MYO10: variants seen among roughly 807,000 people sequenced by gnomAD.
The protein encoded by MYO10 is myosin X, also known as unconventional myosin-X.
MYO10 carries 133 observed loss-of-function variants against 257.3 expected under a neutral mutation model. The ratio of observed to expected loss-of-function variants is 0.52; its 90% CI spans 0.45 to 0.60. The LOEUF is 0.60. MYO10 is among the 20% of genes least tolerant of loss of function. MYO10 has a pLI of 0.00. For missense variants in MYO10, 2,399 were observed against 2,635.7 expected (o/e 0.91, Z 1.97); for synonymous variants, 1,104 against 1,028.6 (o/e 1.07, Z -1.40).
chr5:16,809,728 G>A (rs1742377650), intron 3 of MYO10, among the ~76,000 whole-genome samples: 2 of 152,208 alleles, frequency 1.3e-5, no homozygotes, highest in South Asian at 4.1e-4. Flanking sequence ...CGTGCTTACT[G>A]AAGCATTTAT....
chr5:16,861,527 G>A (rs936840966), intron 2 of MYO10, among the ~76,000 whole-genome samples: 22 of 152,064 alleles, frequency 1.4e-4, no homozygotes, highest in African/African-American at 4.8e-4. Context: ...AGCTGAGATC[G>A]CGCCATGGCA....
intron 1 of MYO10, among the ~76,000 whole-genome samples, chr5:16,930,342 G>A (rs570962757): frequency 2.6e-5 from 4 of 152,296 alleles, no homozygotes; most frequent in East Asian, 1.9e-4. Context: ...GTAGGATCAC[G>A]TGCGAGAAAA....
chr5:16,710,931 C>A lies in MYO10; in HGVS notation c.2146G>T (p.Glu716Ter), dbSNP rs766396245. The part of the protein sequence containing the change: ...LLQLYDASNS[E>*]WQLGKTKVFL... Reference sequence around the variant, plus strand: ...ACCTTGGTCTTCCCCAGCTGCCACTCGCTGTTGGAGGCATCATAGAGCTGC... The same window carrying A: ...ACCTTGGTCTTCCCCAGCTGCCACTAGCTGTTGGAGGCATCATAGAGCTGC... The change falls in exon 21 of 41, where the codon GAG becomes TAG. Residue 716 changes from glutamate to a stop codon, truncating the protein, a stop_gained. Transcript: ENST00000513610. LOFTEE classifies it high-confidence loss of function. 4 of 1,613,750 alleles carry A rather than the reference C, an allele frequency of 2.5e-6. No individual in the cohort carries two copies. The highest frequency in any genetic ancestry group is 3.4e-6 in the Non-Finnish European group (4 of 1,179,850).
chr5:16,917,600 T>G (rs1183482886), intron 1 of MYO10, among the ~76,000 whole-genome samples: 1 of 151,258 alleles, frequency 6.6e-6, no homozygotes, highest in Non-Finnish European at 1.5e-5. Context: ...ATGCCTGTAT[T>G]CCCAGCACTT....
chr5:16,848,992 G>A (rs1240987400), intron 2 of MYO10, among the ~76,000 whole-genome samples: 2 of 152,150 alleles, frequency 1.3e-5, no homozygotes. Context: ...GTTTCCCTCT[G>A]TTGCCCAGGC....
chr5:16,799,147 TG>T (rs1455981369), intron 3 of MYO10, among the ~76,000 whole-genome samples: 1 of 151,132 alleles, frequency 6.6e-6, no homozygotes, highest in African/African-American at 2.4e-5. Context: ...AGAATGATCA[TG>T]TTTTTTAAAC....
intron 22 of MYO10, among the ~76,000 whole-genome samples, chr5:16,703,574 G>A (rs1483301042): frequency 3.9e-5 from 6 of 152,208 alleles, no homozygotes; most frequent in African/African-American, 4.8e-5. Flanking sequence ...CAACTAAAAC[G>A]CACATGAGGA....
At chr5:16,713,882 C>G (rs1289791957) in intron 19 of MYO10, among the ~76,000 whole-genome samples, 1 of 152,176 alleles carries the variant, frequency 6.6e-6, no homozygotes, top group Non-Finnish European at 1.5e-5. Context: ...TTTCCAGAAC[C>G]TGAGCTCACT....
At position 16,671,041 on chromosome 5, in the gene MYO10, C is replaced by T. The variant is rs943907801; in HGVS notation, c.5431-63G>A. 2.1e-5 allele frequency: 30 copies of T among 1,403,666 alleles called. No homozygotes were observed. In the African/African-American group the frequency reaches 2.4e-4, roughly 11 times the overall value. The allele number at this position is 1,403,666 out of a possible 1,614,324, so 87.0% of individuals were successfully genotyped here. The stretch of plus-strand genomic sequence containing the variant: ...CTGCCATGCCATGGGATGCCCACGT[C>T]GCTTGCTCCCTCACTTCATGAGGGT... On this transcript the variant is annotated intron_variant, in intron 38 of 40. Coordinates refer to ENST00000513610, the MANE Select transcript of MYO10 (RefSeq NM_012334.3).
chr5:16,666,670 A>G lies in MYO10; in HGVS notation c.*22T>C, dbSNP rs1277219014. The G allele has an allele frequency of 4.5e-6, 7 of 1,570,098 alleles. No individual in the cohort carries two copies. The highest frequency in any genetic ancestry group is 6.0e-6 in the Non-Finnish European group (7 of 1,158,740). On this transcript the variant is annotated 3_prime_UTR_variant, in exon 41 of 41. Transcript: ENST00000513610. ...AGGGTGGTGCGTTCAGGTAGCAAAGACAGGTGGGCTCTGTCCCGCCTTCAC... is the reference window on the plus strand; with the variant it reads ...AGGGTGGTGCGTTCAGGTAGCAAAGGCAGGTGGGCTCTGTCCCGCCTTCAC...
At chr5:16,805,458 CAAAAAAAA>C (rs36126574) in intron 3 of MYO10, among the ~76,000 whole-genome samples, 7 of 78,344 alleles carry the variant, frequency 8.9e-5, no homozygotes, top group African/African-American at 3.0e-4. Context: ...GACTCCATCT[CAAAAAAAA>C]AAAAAAAAAA....
rs1041562619 is a variant in MYO10 at position 16,912,413 on chromosome 5, C to T, written c.21+23375G>A. 2.0e-5 allele frequency among the ~76,000 whole-genome samples: 3 copies of T among 152,208 alleles called. No homozygotes were observed. In the South Asian group the frequency reaches 6.2e-4, roughly 31 times the overall value. ...ACTCCCTATGGCACACGACCTAACT[C>T]AGTGCACGCACTTTCCTTACCTGAG... On this transcript the variant is annotated intron_variant, in intron 1 of 40. Coordinates refer to ENST00000513610, the MANE Select transcript of MYO10 (RefSeq NM_012334.3).
intron 40 of MYO10, among the ~76,000 whole-genome samples, chr5:16,668,042 T>C (rs1736257402): frequency 1.3e-5 from 2 of 152,190 alleles, no homozygotes; most frequent in African/African-American, 4.8e-5. Flanking sequence ...TAAGACTCCT[T>C]GGCAAAATGG....
At chr5:16,840,595 G>C (rs1450840858) in intron 2 of MYO10, among the ~76,000 whole-genome samples, 1 of 152,110 alleles carries the variant, frequency 6.6e-6, no homozygotes, top group African/African-American at 2.4e-5. Flanking sequence ...ACCAGGAACA[G>C]AGCCACTACA....
rs367639914 is a variant in MYO10, at chr5:16,813,996, C to A, written c.279+4013G>T. 2.8e-4 allele frequency among the ~76,000 whole-genome samples: 43 copies of A among 152,324 alleles called. 1 individual carries two copies. The highest frequency in any genetic ancestry group is 8.7e-4 in the African/African-American group (36 of 41,574). On this transcript the variant is annotated intron_variant, in intron 3 of 40. Transcript: ENST00000513610. ...GAAAACAAGGACCTCAGTCCTCCAA[C>A]TGCAAGTAACTGAATTCAGCCAACG...
At chr5:16,780,068 ATT>A (rs1441125883) in intron 8 of MYO10, among the ~76,000 whole-genome samples, 1 of 151,958 alleles carries the variant, frequency 6.6e-6, no homozygotes, top group Non-Finnish European at 1.5e-5. Flanking sequence ...TGCCTGGCTA[ATT>A]TTTGTGTTTT....
At chr5:16,772,426 C>T (rs1049826692) in intron 9 of MYO10, among the ~76,000 whole-genome samples, 21 of 152,190 alleles carry the variant, frequency 1.4e-4, no homozygotes, top group African/African-American at 5.1e-4. Context: ...AGCCACGGCG[C>T]CCAGCCTATG....
At chr5:16,675,926 G>T in intron 34 of MYO10, 105 bp downstream of exon 34, 1 of 1,323,078 alleles carries the variant, frequency 7.6e-7, no homozygotes, top group Non-Finnish European at 1.0e-6. Context: ...CGACGAATAA[G>T]AGAGTCTTTG....
chr5:16,681,234 A>G, intron 32 of MYO10, 75 bp downstream of exon 32: 2 of 1,437,052 alleles, frequency 1.4e-6, no homozygotes, highest in Non-Finnish European at 1.9e-6. Flanking sequence ...CTAGGAAGGA[A>G]TCTTATTCCT....
Sources: gnomAD v4.1 joint callset for allele counts (sites outside exome capture counted in the v4.1 genomes callset) on GRCh38, gnomAD v4.1.1 for gene constraint, MANE v1.5 for transcripts, NCBI Gene and HGNC (gene_info 2026-07-23, HGNC 2026-07-21) for gene names.